Variants in DPYSL4 observed in about 807,000 individuals in gnomAD.
The protein encoded by DPYSL4 is dihydropyrimidinase like 4, also known as dihydropyrimidinase-related protein 4.
In DPYSL4, 43 loss-of-function variants were observed where a neutral mutation model predicts 63.4. The ratio of observed to expected loss-of-function variants is 0.68; its 90% CI spans 0.53 to 0.88. DPYSL4 has a LOEUF of 0.88. DPYSL4 is among the 40% of genes least tolerant of loss of function. The pLI is 0.00. For synonymous variants in DPYSL4, 353 were observed against 331.7 expected (o/e 1.06, Z -0.70); for missense variants, 733 against 819.5 (o/e 0.89, Z 1.29).
rs1268364464 is a variant in DPYSL4, at chr10:132,200,443, C to T, written c.899C>T (p.Ala300Val). The change falls in exon 9 of 14, where the codon GCC (alanine) becomes GTC (valine). Residue 300 changes from alanine (A) to valine (V), a missense_variant. Coordinates refer to ENST00000338492, the MANE Select transcript of DPYSL4 (RefSeq NM_006426.3). ...YWSKNWAKAA[A>V]FVTSPPVNPD... ...AGCAAGAACTGGGCCAAGGCCGCAG[C>T]CTTCGTCACATCACCCCCTGTCAAC... 3 of 1,613,586 alleles carry T rather than the reference C, an allele frequency of 1.9e-6. No individual in the cohort carries two copies. Among genetic ancestry groups the T allele is most frequent in the South Asian group, 1.1e-5 (1 of 91,082 alleles).
chr10:132,188,128 C>T (rs569390149), intron 1 of DPYSL4, among the ~76,000 whole-genome samples: 1 of 152,274 alleles, frequency 6.6e-6, no homozygotes, highest in East Asian at 1.9e-4. Flanking sequence ...TCTTGCCAGT[C>T]AGCTGGCATG....
In DPYSL4 at chr10:132,204,940, AC is replaced by A; in HGVS notation, c.*12del. The A allele has an allele frequency of 6.2e-7, 1 of 1,600,872 alleles. No individual in the cohort carries two copies. The highest frequency in any genetic ancestry group is 8.5e-7 in the Non-Finnish European group (1 of 1,172,700). ...CACCTCTCTCTCCTAGACGCCCAGG[AC>A]CGGCCCTGTGAGCCGTGCTGGCCCC... is the stretch of plus-strand genomic sequence containing the variant. On this transcript the variant is annotated 3_prime_UTR_variant, in exon 14 of 14. Transcript: ENST00000338492.
At chr10:132,200,077 G>A (rs1223908114) in intron 8 of DPYSL4, among the ~76,000 whole-genome samples, 1 of 152,182 alleles carries the variant, frequency 6.6e-6, no homozygotes, top group Non-Finnish European at 1.5e-5. Context: ...GGCCCCGCTG[G>A]AGTGCCCGGG....
At chr10:132,191,163 T>C (rs377429769) in intron 2 of DPYSL4, among the ~76,000 whole-genome samples, 17 of 80,816 alleles carry the variant, frequency 2.1e-4, no homozygotes, top group Admixed American at 7.3e-4. Context: ...TACACACTGG[T>C]CACGTGGTAT....
At position 132,202,014 on chromosome 10, in the gene DPYSL4, T is replaced by A; in HGVS notation, c.1179T>A (p.Asn393Lys). 1 of 1,613,342 alleles carries A rather than the reference T, an allele frequency of 6.2e-7. No individual in the cohort carries two copies. Among genetic ancestry groups the A allele is most frequent in the Non-Finnish European group, 8.5e-7 (1 of 1,179,990 alleles). ...GTACAAATGCTGCCAAAATCTTCAATTTTTACCCAAGGAAGGGGCGAGTGG... is the reference window on the plus strand; with the variant it reads ...GTACAAATGCTGCCAAAATCTTCAAATTTTACCCAAGGAAGGGGCGAGTGG... Reference protein sequence around the residue: ...VTSTNAAKIFNFYPRKGRVAV... With the variant: ...VTSTNAAKIFKFYPRKGRVAV... Residue 393 changes from asparagine (N) to lysine (K), a missense_variant, in exon 11 of 14, where the codon AAT (asparagine) becomes AAA (lysine). Physicochemically the swap from Asn to Lys is moderately conservative, Grantham distance 94 (BLOSUM62 0). Coordinates refer to ENST00000338492, the MANE Select transcript of DPYSL4 (RefSeq NM_006426.3).
intron 4 of DPYSL4, among the ~76,000 whole-genome samples, chr10:132,195,593 C>T: frequency 6.6e-6 from 1 of 152,186 alleles, no homozygotes; most frequent in East Asian, 1.9e-4. Flanking sequence ...GGCCCTGGCA[C>T]TCCCAGGGAT....
chr10:132,199,602 CCCT>C (rs1040677102), intron 8 of DPYSL4, among the ~76,000 whole-genome samples: 7 of 151,224 alleles, frequency 4.6e-5, no homozygotes, highest in Non-Finnish European at 8.8e-5. Flanking sequence ...GTCTGGTTTC[CCCT>C]CCTCCTGCTG....
At position 132,203,806 on chromosome 10, in the gene DPYSL4, C is replaced by G. The variant is rs760437252; in HGVS notation, c.1506C>G (p.Pro502=). ...TGCCCCGTGGACTGTATGACGGGCC[C>G]GTCCACGAGGTGATGGTGCCTGCCA... is the stretch of plus-strand genomic sequence containing the variant. ...HGVPRGLYDG[P]VHEVMVPAKP... is the part of the protein sequence containing the mutation. The change falls in exon 13 of 14, where the codon CCC becomes CCG. Residue 502 remains proline (P), a synonymous_variant. Transcript: ENST00000338492. 2 of 1,612,394 alleles carry G rather than the reference C, an allele frequency of 1.2e-6. No homozygotes were observed. Among genetic ancestry groups the G allele is most frequent in the South Asian group, 2.2e-5 (2 of 91,050 alleles).
intron 2 of DPYSL4, chr10:132,192,390 A>G (rs1590091073): frequency 9.0e-7 from 1 of 1,111,192 alleles, no homozygotes; most frequent in Non-Finnish European, 1.1e-6. Context: ...TCTAGTCAAA[A>G]AAGTACCAAC....
chr10:132,196,118 T>C (rs1396721314), intron 4 of DPYSL4, among the ~76,000 whole-genome samples: 1 of 152,230 alleles, frequency 6.6e-6, no homozygotes, highest in Non-Finnish European at 1.5e-5. Flanking sequence ...CCTTAGCTTG[T>C]CACACTAGCA....
chr10:132,201,172 A>G (rs1055399877), intron 10 of DPYSL4, among the ~76,000 whole-genome samples, 189 bp downstream of exon 10: 1 of 151,868 alleles, frequency 6.6e-6, no homozygotes, highest in Non-Finnish European at 1.5e-5. Context: ...TCCAGATGAG[A>G]CTCCAACAGC....
At chr10:132,189,226 C>A (rs961866264) in intron 1 of DPYSL4, among the ~76,000 whole-genome samples, 3 of 152,232 alleles carry the variant, frequency 2.0e-5, no homozygotes, top group South Asian at 2.1e-4. Flanking sequence ...AGTTGCAGGG[C>A]GTGCTGAGGC....
intron 10 of DPYSL4, among the ~76,000 whole-genome samples, chr10:132,201,318 C>T (rs2818417): frequency 0.62 from 93,521 of 151,942 alleles, 29,112 homozygotes; most frequent in East Asian, 0.71. Flanking sequence ...CGACCCGTCG[C>T]ACACCGCCCT....
intron 2 of DPYSL4, chr10:132,192,429 G>C (rs1021463259): frequency 2.5e-6 from 3 of 1,183,516 alleles, no homozygotes; most frequent in Non-Finnish European, 3.1e-6. Flanking sequence ...ACCACAGGGC[G>C]TGGCGTCTGC....
At chr10:132,188,154 G>A (rs2061829867) in intron 1 of DPYSL4, among the ~76,000 whole-genome samples, 1 of 152,190 alleles carries the variant, frequency 6.6e-6, no homozygotes, top group African/African-American at 2.4e-5. Context: ...GTCGAGTTTG[G>A]GGGTGGCAGG....
At position 132,198,456 on chromosome 10, in the gene DPYSL4, G is replaced by A. The variant is rs1393531110; in HGVS notation, c.663G>A (p.Glu221=). ...TGGAGCTCGGCATCACTGGCCCCGA[G>A]GGCCACGTGCTCAGCCACCCCGAGG... ...RLLELGITGP[E]GHVLSHPEEV... The change falls in exon 7 of 14, where the codon GAG becomes GAA. Residue 221 remains glutamate, a synonymous_variant. Transcript: ENST00000338492. 5 of 1,606,640 alleles carry A rather than the reference G, an allele frequency of 3.1e-6. No homozygotes were observed. The highest frequency in any genetic ancestry group is 4.2e-6 in the Non-Finnish European group (5 of 1,178,340).
chr10:132,188,113 G>A (rs1273561879), intron 1 of DPYSL4, among the ~76,000 whole-genome samples: 2 of 152,196 alleles, frequency 1.3e-5, no homozygotes, highest in Non-Finnish European at 2.9e-5. Flanking sequence ...TCTTGATGCA[G>A]GAGGTCTTGC....
chr10:132,195,051 G>A (rs1266516179), intron 4 of DPYSL4, 42 bp downstream of exon 4: 1 of 1,578,850 alleles, frequency 6.3e-7, no homozygotes, highest in Non-Finnish European at 8.6e-7. Flanking sequence ...CATGGAGCCT[G>A]GTGGAGGAGC....
chr10:132,196,140 G>T (rs2061940582), intron 4 of DPYSL4, among the ~76,000 whole-genome samples: 1 of 152,230 alleles, frequency 6.6e-6, no homozygotes, highest in African/African-American at 2.4e-5. Context: ...TTTCCACCCA[G>T]CGAGGAGGAG....
Sources: gnomAD v4.1 joint callset for allele counts (sites outside exome capture counted in the v4.1 genomes callset) on GRCh38, gnomAD v4.1.1 for gene constraint, MANE v1.5 for transcripts, NCBI Gene and HGNC (gene_info 2026-07-23, HGNC 2026-07-21) for gene names.